Variants in PSMA6 observed in about 807,000 individuals in gnomAD.
The protein encoded by PSMA6 is proteasome 20S subunit alpha 6, also known as proteasome subunit alpha type-6.
For synonymous variants in PSMA6, 88 were observed against 97.7 expected (o/e 0.90, Z 0.59); for missense variants, 170 against 294.8 (o/e 0.58, Z 3.10).
At chr14:35,290,456 C>T (rs553147409), upstream of PSMA6, among the ~76,000 whole-genome samples, 1 of 152,310 alleles carries the variant, frequency 6.6e-6, no homozygotes, top group African/African-American at 2.4e-5. Flanking sequence ...ACCCTTTGTG[C>T]CAGAGATGCT....
chr14:35,293,242 C>T (rs539283730), intron 1 of PSMA6: 1 of 324,952 alleles, frequency 3.1e-6, no homozygotes, highest in South Asian at 2.4e-5. Flanking sequence ...TTGAATGCTC[C>T]TGTAATTTAA....
intron 1 of PSMA6, among the ~76,000 whole-genome samples, chr14:35,303,900 A>AAT (rs1057499433): frequency 1.3e-5 from 2 of 151,160 alleles, no homozygotes; most frequent in African/African-American, 4.9e-5. Flanking sequence ...AGCTAGAGAT[A>AAT]ATTTCTTTCT....
chr14:35,297,034 C>G (rs1433125304), intron 1 of PSMA6, among the ~76,000 whole-genome samples: 4 of 138,730 alleles, frequency 2.9e-5, no homozygotes, highest in Non-Finnish European at 6.1e-5. Flanking sequence ...TTAGGAGGCA[C>G]TTTATAGTGA....
intron 6 of PSMA6, chr14:35,315,101 C>T (rs1254626740): frequency 1.3e-5 from 2 of 152,068 alleles, no homozygotes; most frequent in Non-Finnish European, 2.9e-5. Context: ...CCCTGTGAGG[C>T]AGTTGATATA....
chr14:35,313,036 T>G lies in PSMA6; in HGVS notation c.565T>G (p.Trp189Gly). The change falls in exon 5 of 7, where the codon TGG (tryptophan) becomes GGG (glycine). Residue 189 changes from tryptophan (W) to glycine (G), a missense_variant. Physicochemically the swap from Trp to Gly is radical, Grantham distance 184. Transcript: ENST00000261479. ...LEKKVKKKFDWTFEQTVETAI... is the reference protein window; with the variant it reads ...LEKKVKKKFDGTFEQTVETAI... ...AAAAAAAGTGAAGAAGAAATTTGAT[T>G]GGACATTTGAACAGACAGTGGAAGT... 6.3e-7 allele frequency: 1 copy of G among 1,582,588 alleles called. No individual in the cohort carries two copies. The highest frequency in any genetic ancestry group is 8.5e-7 in the Non-Finnish European group (1 of 1,170,934).
chr14:35,312,859 T>G, intron 4 of PSMA6, 22 bp from the exon 5 acceptor site: 1 of 1,559,040 alleles, frequency 6.4e-7, no homozygotes, highest in South Asian at 1.2e-5. Flanking sequence ...AAACATTTAA[T>G]TAGGGTCTTT....
At chr14:35,304,685 C>A (rs1283050117) in intron 1 of PSMA6, among the ~76,000 whole-genome samples, 3 of 151,230 alleles carry the variant, frequency 2.0e-5, no homozygotes, top group Non-Finnish European at 4.4e-5. Context: ...CAAGATTGCA[C>A]CACTGCACTC....
At chr14:35,305,211 C>T (rs1029115474) in intron 1 of PSMA6, among the ~76,000 whole-genome samples, 9 of 150,372 alleles carry the variant, frequency 6.0e-5, no homozygotes, top group Non-Finnish European at 8.8e-5. Flanking sequence ...GGTGTGAGCA[C>T]GGCTCACTGC....
intron 1 of PSMA6, among the ~76,000 whole-genome samples, chr14:35,294,251 G>A (rs1005319043): frequency 1.3e-5 from 2 of 149,310 alleles, no homozygotes; most frequent in African/African-American, 5.1e-5. Flanking sequence ...TGTTGATCTC[G>A]AACTCCCAAC....
chr14:35,297,042 TG>T (rs1272099073), intron 1 of PSMA6, among the ~76,000 whole-genome samples: 1 of 143,534 alleles, frequency 7.0e-6, no homozygotes. Flanking sequence ...CACTTTATAG[TG>T]AACCACACAT....
Position 35,279,420 on chromosome 14 carries a change from A to G in PSMA6, c.19+702A>G, listed in dbSNP as rs1488236694. Among the ~76,000 whole-genome samples, 3 of 152,352 alleles carry G rather than the reference A, an allele frequency of 2.0e-5. No individual in the cohort carries two copies. In the East Asian group the frequency reaches 5.8e-4, roughly 29 times the overall value. On this transcript the variant is annotated intron_variant, in intron 1 of 6. Coordinates refer to the PSMA6 transcript ENST00000540871. ...AGCTTAAACTACAGCATTGCTGGAC[A>G]CCATAAAATAGTATTTGCATAGCTG...
At chr14:35,293,537 G>A (rs953425969) in intron 1 of PSMA6, among the ~76,000 whole-genome samples, 2 of 152,182 alleles carry the variant, frequency 1.3e-5, no homozygotes, top group Non-Finnish European at 2.9e-5. Context: ...ATCATAAGGA[G>A]AGAGTTGGTC....
intron 1 of PSMA6, among the ~76,000 whole-genome samples, chr14:35,285,490 C>T (rs2051414121): frequency 6.6e-6 from 1 of 152,222 alleles, no homozygotes; most frequent in African/African-American, 2.4e-5. Flanking sequence ...CTCTCTCCCT[C>T]TCTCCAATTA....
intron 1 of PSMA6, among the ~76,000 whole-genome samples, chr14:35,280,911 C>T (rs985440960): frequency 1.3e-5 from 2 of 152,122 alleles, no homozygotes; most frequent in African/African-American, 2.4e-5. Context: ...ACTTTTGGCT[C>T]CCTATGAGAT....
chr14:35,283,528 G>A (rs1244966907), intron 1 of PSMA6, among the ~76,000 whole-genome samples: 1 of 149,774 alleles, frequency 6.7e-6, no homozygotes, highest in African/African-American at 2.5e-5. Context: ...TGCAATAGGT[G>A]TAATAGGATG....
intron 1 of PSMA6, among the ~76,000 whole-genome samples, chr14:35,282,874 C>T (rs1337187225): frequency 6.6e-6 from 1 of 151,774 alleles, no homozygotes; most frequent in Non-Finnish European, 1.5e-5. Context: ...CAGAGTGAGA[C>T]CCCACAGGGT....
chr14:35,278,776 A>G, intron 1 of PSMA6: 1 of 1,514,830 alleles, frequency 6.6e-7, no homozygotes, highest in Non-Finnish European at 8.8e-7. Flanking sequence ...ATTCTTTGAA[A>G]ATAAATCATT....
chr14:35,280,832 T>A (rs1212143886), intron 1 of PSMA6, among the ~76,000 whole-genome samples: 2 of 152,086 alleles, frequency 1.3e-5, no homozygotes, highest in African/African-American at 4.8e-5. Flanking sequence ...GCTCAAGCGA[T>A]CCTCCTGCCT....
rs111237904 is a variant in PSMA6 at position 35,317,432 on chromosome 14, G to A, written c.*126G>A. 4,156 of 769,262 alleles carry A rather than the reference G, an allele frequency of 5.4e-3. 21 individuals are homozygous for A. Among genetic ancestry groups the A allele is most frequent in the Non-Finnish European group, 5.7e-3 (2,617 of 456,188 alleles). 47.7% of individuals were successfully genotyped at this position (769,262 alleles called of 1,614,324 possible). A position where few individuals can be genotyped will look rare whatever the true frequency, so the allele number is the denominator to read the frequency against. On this transcript the variant is annotated 3_prime_UTR_variant, in exon 7 of 7. Transcript: ENST00000261479. ...TCCCACTCCTCCTACCACCGAAGTG[G>A]TTAGGACTCTATATAAATAAAAACA...
Sources: allele counts gnomAD v4.1 joint callset (sites outside exome capture counted in the v4.1 genomes callset), GRCh38; gene constraint gnomAD v4.1.1; transcripts MANE v1.5; gene names NCBI Gene and HGNC (gene_info 2026-07-23, HGNC 2026-07-21).